The following PIK3C2G variants were observed in gnomAD, a reference collection of about 807,000 sequenced individuals.
The protein encoded by PIK3C2G is phosphatidylinositol 3-kinase C2 domain-containing subunit gamma.
A neutral mutation model predicts 181.1 loss-of-function variants in PIK3C2G; 168 were observed. That is an observed-to-expected ratio of 0.93 (90% CI 0.82 to 1.05). The LOEUF is 1.05. Ranked by LOEUF, PIK3C2G falls within the 50% of genes least tolerant of loss-of-function variation. PIK3C2G has a pLI of 0.00. For synonymous variants in PIK3C2G, 573 were observed against 592.2 expected, an observed-to-expected ratio of 0.97 and a Z score of 0.47; for missense variants, 1,869 against 1,732.8, an observed-to-expected ratio of 1.08 and a Z score of -1.40.
intron 1 of PIK3C2G, among the ~76,000 whole-genome samples, chr12:18,254,574 G>A (rs2136964196): frequency 6.6e-6 from 1 of 152,052 alleles, no homozygotes; most frequent in South Asian, 2.1e-4. Context: ...GCTGGGCGTG[G>A]TAGCTCACAC....
At chr12:18,460,297 G>T (rs1360577662) in intron 18 of PIK3C2G, among the ~76,000 whole-genome samples, 1 of 152,076 alleles carries the variant, frequency 6.6e-6, no homozygotes, top group Non-Finnish European at 1.5e-5. Flanking sequence ...TAATTGTCCA[G>T]GTGCGGTGGC....
At chr12:18,479,757 T>C (rs747989926) in intron 18 of PIK3C2G, among the ~76,000 whole-genome samples, 3 of 152,068 alleles carry the variant, frequency 2.0e-5, no homozygotes, top group Non-Finnish European at 4.4e-5. Context: ...TTTCAGTGGA[T>C]TTTAGAACAC....
chr12:18,252,376 T>C (rs1473115494), intron 1 of PIK3C2G, among the ~76,000 whole-genome samples: 5 of 152,148 alleles, frequency 3.3e-5, no homozygotes, highest in African/African-American at 1.2e-4. Flanking sequence ...AAGATGGAAA[T>C]AATATATGAC....
At chr12:18,678,837 AT>A in the PIK3C2G span, among the ~76,000 whole-genome samples, 3 of 152,004 alleles carry the variant, frequency 2.0e-5, no homozygotes, top group Non-Finnish European at 4.4e-5. Context: ...ATGTGTTTTC[AT>A]TTCCCTTGAG....
At chr12:18,582,203 G>A (rs1177221260) in intron 29 of PIK3C2G, among the ~76,000 whole-genome samples, 1 of 152,080 alleles carries the variant, frequency 6.6e-6, no homozygotes, top group Non-Finnish European at 1.5e-5. Context: ...TGAAGCATCC[G>A]GGCTCACACA....
At chr12:18,432,169 G>T (rs1010753515) in intron 18 of PIK3C2G, among the ~76,000 whole-genome samples, 2 of 152,024 alleles carry the variant, frequency 1.3e-5, no homozygotes, top group African/African-American at 4.8e-5. Context: ...CCTTATTACT[G>T]CTAATAAATA....
chr12:18,412,136 G>T (rs561793073), intron 16 of PIK3C2G, among the ~76,000 whole-genome samples: 2 of 152,244 alleles, frequency 1.3e-5, no homozygotes, highest in South Asian at 2.1e-4. Flanking sequence ...GAAAAGAGAA[G>T]AGTAATGACG....
chr12:18,381,689 A>G, intron 13 of PIK3C2G, 77 bp from the exon 14 acceptor site: 1 of 874,322 alleles, frequency 1.1e-6, no homozygotes, highest in Non-Finnish European at 1.9e-6. Context: ...ATATTCCAAA[A>G]GAAAACATTT....
At chr12:18,328,743 G>A (rs931929725) in intron 8 of PIK3C2G, among the ~76,000 whole-genome samples, 7 of 152,082 alleles carry the variant, frequency 4.6e-5, no homozygotes, top group African/African-American at 1.7e-4. Context: ...AGTGATGGAA[G>A]ATAAAACATT....
At chr12:18,320,397 T>C (rs1431213961) in intron 6 of PIK3C2G, among the ~76,000 whole-genome samples, 5 of 152,208 alleles carry the variant, frequency 3.3e-5, no homozygotes, top group Non-Finnish European at 7.3e-5. Flanking sequence ...AAGTAGTTCA[T>C]GCTTATGTAG....
chr12:18,259,898 A>G (rs562148551), upstream of PIK3C2G, among the ~76,000 whole-genome samples: 1 of 152,152 alleles, frequency 6.6e-6, no homozygotes, highest in African/African-American at 2.4e-5. Flanking sequence ...GGACATAGCC[A>G]TGAAAAAAGT....
At chr12:18,585,241 G>C (rs1455795004) in intron 29 of PIK3C2G, among the ~76,000 whole-genome samples, 1 of 151,872 alleles carries the variant, frequency 6.6e-6, no homozygotes, top group Non-Finnish European at 1.5e-5. Context: ...TAAAAAGAGT[G>C]GTCAACTGGA....
At chr12:18,589,919 T>C (rs1946987047) in intron 29 of PIK3C2G, among the ~76,000 whole-genome samples, 1 of 151,954 alleles carries the variant, frequency 6.6e-6, no homozygotes, top group Non-Finnish European at 1.5e-5. Flanking sequence ...AGGTTCCCTA[T>C]GAAATTCTCT....
chr12:18,458,981 G>C (rs1042104805), intron 18 of PIK3C2G, among the ~76,000 whole-genome samples: 1 of 151,966 alleles, frequency 6.6e-6, no homozygotes, highest in Non-Finnish European at 1.5e-5. Context: ...ATAAATATGA[G>C]TCTGGACAAT....
intron 29 of PIK3C2G, among the ~76,000 whole-genome samples, chr12:18,586,916 T>C (rs117887386): frequency 3.4e-3 from 518 of 152,222 alleles, no homozygotes; most frequent in Non-Finnish European, 6.4e-3. Flanking sequence ...TGCAAATCAA[T>C]AAATGTAATT....
chr12:18,684,632 C>G, the PIK3C2G span, among the ~76,000 whole-genome samples: 1 of 152,072 alleles, frequency 6.6e-6, no homozygotes, highest in Non-Finnish European at 1.5e-5. Context: ...GGGAGTCTGA[C>G]TTCAGAGCAA....
intron 28 of PIK3C2G, among the ~76,000 whole-genome samples, chr12:18,566,298 G>A (rs937177387): frequency 3.9e-5 from 6 of 152,138 alleles, no homozygotes; most frequent in Non-Finnish European, 8.8e-5. Flanking sequence ...TATGATTGGA[G>A]TCAGAGGAGG....
the PIK3C2G span, among the ~76,000 whole-genome samples, chr12:18,698,369 C>T: frequency 6.6e-6 from 1 of 151,408 alleles, no homozygotes; most frequent in African/African-American, 2.4e-5. Context: ...TAGTCCAGAC[C>T]TACTGAATTG....
At chr12:18,659,867 T>C in the PIK3C2G span, among the ~76,000 whole-genome samples, 1 of 152,160 alleles carries the variant, frequency 6.6e-6, no homozygotes, top group Non-Finnish European at 1.5e-5. Flanking sequence ...AGTTAACTGC[T>C]AGTTGACTTA....
Sources: gnomAD v4.1 joint callset for allele counts (sites outside exome capture counted in the v4.1 genomes callset) on GRCh38, gnomAD v4.1.1 for gene constraint, MANE v1.5 for transcripts, NCBI Gene and HGNC (gene_info 2026-07-23, HGNC 2026-07-21) for gene names.